Variants in PTPRF observed in about 807,000 individuals in gnomAD.
The protein encoded by PTPRF is protein tyrosine phosphatase receptor type F, also known as receptor-type tyrosine-protein phosphatase F.
Under a neutral mutation model 201.8 loss-of-function variants are expected in PTPRF, and 59 were observed. The observed-to-expected ratio is 0.29, with a 90% CI of 0.24 to 0.36. The LOEUF (loss-of-function observed/expected upper bound fraction) is 0.36. Among genes scored for constraint, PTPRF ranks in the 10% least tolerant of loss-of-function variants. The pLI is 1.00. For missense variants in PTPRF, 2,132 were observed against 2,690.5 expected, an observed-to-expected ratio of 0.79 and a Z score of 4.59; for synonymous variants, 1,088 against 1,089.7, an observed-to-expected ratio of 1.00 and a Z score of 0.03.
Position 43,569,669 on chromosome 1 carries a change from C to T in PTPRF, c.459C>T (p.Thr153=), listed in dbSNP as rs1216938352. ...TGGTGGAGAAGGCACGCACAGCCAC[C>T]ATGCTATGTGCCGCAGGCGGAAATC... The part of the protein sequence containing the change: ...LKVVEKARTA[T]MLCAAGGNPD... The change falls in exon 6 of 34, where the codon ACC becomes ACT. Residue 153 remains threonine (T), a synonymous_variant. Coordinates refer to ENST00000359947, the MANE Select transcript of PTPRF (RefSeq NM_002840.5). The T allele has an allele frequency of 6.2e-7, 1 of 1,614,108 alleles. No homozygotes were observed. The highest frequency in any genetic ancestry group is 8.5e-7 in the Non-Finnish European group (1 of 1,179,946).
Position 43,591,793 on chromosome 1 carries a change from C to T in PTPRF, c.1532-19C>T, listed in dbSNP as rs1650831231. On this transcript the variant is annotated intron_variant, in intron 9 of 33. Coordinates refer to ENST00000359947, the MANE Select transcript of PTPRF (RefSeq NM_002840.5). ...CCTCACGCAGATGAGGCTGACCTGC[C>T]TGGTGTGGGGTGTTGCAGTGCCTGC... 1 of 1,612,440 alleles carries T rather than the reference C, an allele frequency of 6.2e-7. No homozygotes were observed. Among genetic ancestry groups the T allele is most frequent in the African/African-American group, 1.3e-5 (1 of 75,046 alleles).
intron 30 of PTPRF, 59 bp downstream of exon 30, chr1:43,620,280 T>C: frequency 1.2e-6 from 2 of 1,600,100 alleles, no homozygotes; most frequent in South Asian, 2.2e-5. Flanking sequence ...CAGCCACCCT[T>C]GGGGGAGCTG....
chr1:43,592,446 G>T lies in PTPRF; in HGVS notation c.1669-11G>T. 1.3e-6 allele frequency: 2 copies of T among 1,599,704 alleles called. No homozygotes were observed. Among genetic ancestry groups the T allele is most frequent in the Non-Finnish European group, 1.7e-6 (2 of 1,172,892 alleles). On this transcript the variant is annotated splice_polypyrimidine_tract_variant and intron_variant, in intron 10 of 33. Coordinates refer to ENST00000359947, the MANE Select transcript of PTPRF (RefSeq NM_002840.5). The stretch of plus-strand genomic sequence containing the variant: ...TCAGAGCTGTCAGTGAGTGCTCCCT[G>T]CTCTTCCCAGCACAAGGTGACCTTC...
intron 6 of PTPRF, among the ~76,000 whole-genome samples, chr1:43,570,996 C>T (rs1646530863): frequency 6.6e-6 from 1 of 152,246 alleles, no homozygotes; most frequent in African/African-American, 2.4e-5. Flanking sequence ...GACGCTCCTC[C>T]CTGCTGGCCT....
upstream of PTPRF, among the ~76,000 whole-genome samples, chr1:43,526,745 A>G (rs1010699697): frequency 1.3e-5 from 2 of 152,180 alleles, no homozygotes; most frequent in Non-Finnish European, 2.9e-5. Context: ...CTCTTGAAAG[A>G]GCTGGGATGG....
chr1:43,602,224 G>A (rs1653935869), intron 14 of PTPRF, 127 bp downstream of exon 14: 1 of 1,192,310 alleles, frequency 8.4e-7, no homozygotes, highest in African/African-American at 1.5e-5. Context: ...CACATCAGGA[G>A]AAAATTGGCG....
intron 23 of PTPRF, 37 bp from the exon 24 acceptor site, chr1:43,617,408 C>T: frequency 1.2e-6 from 2 of 1,613,360 alleles, no homozygotes; most frequent in South Asian, 1.1e-5. Flanking sequence ...AACCTTGGCT[C>T]TTACCCCACC....
intron 1 of PTPRF, among the ~76,000 whole-genome samples, chr1:43,533,497 AG>A (rs778165461): frequency 3.9e-5 from 6 of 151,934 alleles, no homozygotes; most frequent in Admixed American, 2.6e-4. Flanking sequence ...GGCGGGGAGG[AG>A]GGGACCCAGA....
chr1:43,620,063 C>T, intron 29 of PTPRF, 32 bp from the exon 30 acceptor site: 6 of 1,613,036 alleles, frequency 3.7e-6, no homozygotes, highest in Non-Finnish European at 5.1e-6. Flanking sequence ...GCAGCAGCAC[C>T]TCCAGCATGT....
chr1:43,605,721 C>T (rs1654931478), intron 19 of PTPRF, 99 bp downstream of exon 19: 5 of 1,163,682 alleles, frequency 4.3e-6, no homozygotes, highest in Non-Finnish European at 6.3e-6. Context: ...CAGATTCACT[C>T]CCCAAATTGA....
At position 43,598,840 on chromosome 1, in the gene PTPRF, C is replaced by T. The variant is rs774023984; in HGVS notation, c.2240C>T (p.Thr747Ile). 2.5e-6 allele frequency: 4 copies of T among 1,614,202 alleles called. No individual in the cohort carries two copies. The Admixed American group carries it at 5.0e-5, about 20-fold the overall frequency. Residue 747 changes from threonine to isoleucine, a missense_variant, in exon 13 of 34, where the codon ACC becomes ATC. Physicochemically the swap from Thr to Ile is moderately conservative, Grantham distance 89. This residue lies in a region of PTPRF where 818 missense variants were observed against 915.3 expected (regional missense o/e 0.89). Coordinates refer to ENST00000359947, the MANE Select transcript of PTPRF (RefSeq NM_002840.5). ...GGCCAGATCCGCGGCTACCAGGTCACCTACGTGCGGCTGGAGAATGGCGAG... is the reference window on the plus strand; with the variant it reads ...GGCCAGATCCGCGGCTACCAGGTCATCTACGTGCGGCTGGAGAATGGCGAG... ...QHGQIRGYQV[T>I]YVRLENGEPR...
rs548268886 is a variant in PTPRF, at chr1:43,599,086, G to A, written c.2313+173G>A. ...TTTGCAGCATCAGGGGTTAGGCTGGGGTTTTTTGGGTGTGGGTTTTTTGTT... is the reference window on the plus strand; with the variant it reads ...TTTGCAGCATCAGGGGTTAGGCTGGAGTTTTTTGGGTGTGGGTTTTTTGTT... On this transcript the variant is annotated intron_variant, in intron 13 of 33. Transcript: ENST00000359947. Among the ~76,000 whole-genome samples, 17 of 152,278 alleles carry A rather than the reference G, an allele frequency of 1.1e-4. No individual in the cohort carries two copies. The South Asian group carries it at 3.3e-3, about 30-fold the overall frequency.
Position 43,598,070 on chromosome 1 carries a change from G to T in PTPRF, c.2119+17G>T. The T allele has an allele frequency of 2.8e-6, 4 of 1,454,404 alleles. No individual in the cohort carries two copies. The highest frequency in any genetic ancestry group is 3.6e-6 in the Non-Finnish European group (4 of 1,097,930). The allele number at this position is 1,454,404 out of a possible 1,614,324, so 90.1% of individuals were successfully genotyped here. On this transcript the variant is annotated intron_variant, in intron 12 of 33. Coordinates refer to ENST00000359947, the MANE Select transcript of PTPRF (RefSeq NM_002840.5). ...ATGAGGACGGTAGGCAGTGCCACCG[G>T]GGCGGGAGGGGAGGCGTTCTGCCTC...
At chr1:43,563,111 G>C (rs1366723746) in intron 5 of PTPRF, among the ~76,000 whole-genome samples, 8 of 151,734 alleles carry the variant, frequency 5.3e-5, no homozygotes, top group African/African-American at 1.9e-4. Context: ...CCGGGAGGCA[G>C]AGGTTGCAGT....
chr1:43,565,746 T>A (rs1340379917), intron 5 of PTPRF, among the ~76,000 whole-genome samples: 1 of 151,972 alleles, frequency 6.6e-6, no homozygotes, highest in Non-Finnish European at 1.5e-5. Context: ...GTGGGAGGAT[T>A]CCCTGGAGCT....
rs200994272 is a variant in PTPRF at position 43,620,525 on chromosome 1, T to C, written c.5310T>C (p.Ala1770=). 1 of 1,614,054 alleles carries C rather than the reference T, an allele frequency of 6.2e-7. No individual in the cohort carries two copies. Among genetic ancestry groups the C allele is most frequent in the Non-Finnish European group, 8.5e-7 (1 of 1,179,896 alleles). Residue 1770 remains alanine (A), a synonymous_variant, in exon 31 of 34, where the codon GCT becomes GCC. Transcript: ENST00000359947. The part of the protein sequence containing the change: ...RYQYFVVDPM[A]EYNMPQYILR... Reference sequence around the variant, plus strand: ...AGTACTTTGTTGTTGACCCGATGGCTGAGTACAACATGCCCCAGTATATCC... The same window carrying C: ...AGTACTTTGTTGTTGACCCGATGGCCGAGTACAACATGCCCCAGTATATCC...
chr1:43,592,371 G>A, intron 10 of PTPRF, 86 bp from the exon 11 acceptor site: 9 of 1,497,156 alleles, frequency 6.0e-6, no homozygotes, highest in Non-Finnish European at 8.1e-6. Context: ...GGGTCCAGAG[G>A]TGTCACATTG....
intron 11 of PTPRF, among the ~76,000 whole-genome samples, chr1:43,595,166 G>A (rs968190371): frequency 1.3e-5 from 2 of 152,164 alleles, no homozygotes; most frequent in Non-Finnish European, 2.9e-5. Flanking sequence ...TATGGCTAGA[G>A]AGGGCCGTGG....
chr1:43,525,804 CAAAAAAAA>C (rs1179056466), upstream of PTPRF, among the ~76,000 whole-genome samples: 535 of 35,578 alleles, frequency 0.015, 9 homozygotes, highest in African/African-American at 0.063. Context: ...GACTCAGTCT[CAAAAAAAA>C]AAAAAAAAAA....
Sources: allele counts gnomAD v4.1 joint callset (sites outside exome capture counted in the v4.1 genomes callset), GRCh38; gene constraint gnomAD v4.1.1; regional missense constraint gnomAD v4.1.1; transcripts MANE v1.5; gene names NCBI Gene and HGNC (gene_info 2026-07-23, HGNC 2026-07-21).